The following CNBD1 variants were observed in gnomAD, a reference collection of about 807,000 sequenced individuals.
CNBD1 encodes cyclic nucleotide-binding domain-containing protein 1.
Under a neutral mutation model 54.4 loss-of-function variants are expected in CNBD1, and 71 were observed. The ratio of observed to expected loss-of-function variants is 1.30; its 90% CI spans 1.08 to 1.59. CNBD1 has a LOEUF of 1.59. CNBD1 is among the 40% of genes most tolerant of loss of function. The pLI is 0.00. For missense variants in CNBD1, 659 were observed against 518.0 expected, an observed-to-expected ratio of 1.27 and a Z score of -2.64; for synonymous variants, 182 against 170.7, an observed-to-expected ratio of 1.07 and a Z score of -0.51.
intron 4 of CNBD1, among the ~76,000 whole-genome samples, chr8:87,115,726 C>G (rs1811753858): frequency 6.6e-6 from 1 of 152,174 alleles, no homozygotes; most frequent in Non-Finnish European, 1.5e-5. Flanking sequence ...GCAGGTTTCA[C>G]CTACTGAGTA....
rs1267942471 is a variant in CNBD1, at chr8:87,325,234, A to G, written c.1043-26451A>G. Among the ~76,000 whole-genome samples the G allele has an allele frequency of 3.2e-5, 3 of 95,136 alleles. 1 individual carries two copies. Among genetic ancestry groups the G allele is most frequent in the Non-Finnish European group, 6.2e-5 (3 of 48,692 alleles). 62.4% of individuals were successfully genotyped at this position (95,136 alleles called of 152,430 possible). ...AGCTTTACTTCCAAGTATGTGGTCA[A>G]TTTTGGAATAGGTGTGGTGTGGTGC... On this transcript the variant is annotated intron_variant, in intron 8 of 10. Coordinates refer to ENST00000518476, the MANE Select transcript of CNBD1 (RefSeq NM_173538.3).
chr8:87,040,715 C>T lies in CNBD1; in HGVS notation c.431+100961C>T, dbSNP rs189901987. On this transcript the variant is annotated intron_variant, in intron 4 of 10. Transcript: ENST00000518476. ...CTGGGATGACAGGCGTGAGCCACTGCGTCTGGCCTGTAATGAATTCTTAAC... is the reference window on the plus strand; with the variant it reads ...CTGGGATGACAGGCGTGAGCCACTGTGTCTGGCCTGTAATGAATTCTTAAC... 2.0e-3 allele frequency among the ~76,000 whole-genome samples: 304 copies of T among 151,444 alleles called. 1 individual carries two copies. The highest frequency in any genetic ancestry group is 6.7e-3 in the African/African-American group (278 of 41,418).
intron 6 of CNBD1, among the ~76,000 whole-genome samples, chr8:87,242,457 TATTA>T (rs1157799086): frequency 6.6e-6 from 1 of 152,160 alleles, no homozygotes. Context: ...AGATCCTTTA[TATTA>T]ATTAACCCTT....
At position 87,255,996 on chromosome 8, in the gene CNBD1, TATATATATATATATATATA is replaced by T. The variant is rs1243373571; in HGVS notation, c.771+18885_771+18903del. On this transcript the variant is annotated intron_variant, in intron 6 of 10. Coordinates refer to ENST00000518476, the MANE Select transcript of CNBD1 (RefSeq NM_173538.3). Reference sequence around the variant, plus strand: ...AAATATATATATATATATATATATATATATATATATATATATATATTTTTTTTTTTTTTTTTTTTTTTTT... The same window carrying T: ...AAATATATATATATATATATATATATTTTTTTTTTTTTTTTTTTTTTTTTT... Among the ~76,000 whole-genome samples, 122 of 15,222 alleles carry T rather than the reference TATATATATATATATATATA, an allele frequency of 8.0e-3. 1 individual carries two copies. Among genetic ancestry groups the T allele is most frequent in the Middle Eastern group, 0.016 (1 of 62 alleles). 10.0% of individuals were successfully genotyped at this position (15,222 alleles called of 152,430 possible). A position where few individuals can be genotyped will look rare whatever the true frequency, so the allele number is the denominator to read the frequency against.
intron 6 of CNBD1, among the ~76,000 whole-genome samples, chr8:87,270,512 T>C (rs1008466508): frequency 1.3e-5 from 2 of 151,874 alleles, no homozygotes; most frequent in Non-Finnish European, 2.9e-5. Flanking sequence ...ACATTTTTGG[T>C]TGGGAGTGTA....
downstream of CNBD1, chr8:87,382,872 CGAA>C (rs1259442674): frequency 2.7e-6 from 1 of 367,666 alleles, no homozygotes; most frequent in African/African-American, 2.1e-5. Context: ...TCTGTTGATA[CGAA>C]GGTTTTCTTT....
intron 4 of CNBD1, among the ~76,000 whole-genome samples, chr8:87,103,476 G>A (rs1811472348): frequency 6.6e-6 from 1 of 152,200 alleles, no homozygotes; most frequent in African/African-American, 2.4e-5. Context: ...TAATTTATAA[G>A]GAAAGAGGTT....
chr8:87,296,090 A>C (rs1373657271), intron 8 of CNBD1, among the ~76,000 whole-genome samples: 5 of 152,134 alleles, frequency 3.3e-5, no homozygotes, highest in African/African-American at 1.2e-4. Flanking sequence ...TAATAAGTAC[A>C]TATGTTTATA....
intron 2 of CNBD1, among the ~76,000 whole-genome samples, chr8:87,390,199 A>C (rs1021349622): frequency 3.9e-5 from 6 of 152,164 alleles, no homozygotes; most frequent in Non-Finnish European, 1.5e-5. Flanking sequence ...CAAGGACTTC[A>C]TGTCTAAAAC....
chr8:87,356,365 T>A (rs1417585184), intron 10 of CNBD1, among the ~76,000 whole-genome samples: 1 of 152,056 alleles, frequency 6.6e-6, no homozygotes, highest in Admixed American at 6.6e-5. Flanking sequence ...CTGATAGAAG[T>A]ATGGATAGTG....
intron 4 of CNBD1, among the ~76,000 whole-genome samples, chr8:87,138,881 A>G (rs940457236): frequency 3.3e-5 from 5 of 152,208 alleles, no homozygotes; most frequent in African/African-American, 1.2e-4. Flanking sequence ...ATTTCAATAA[A>G]TGATGTACTT....
chr8:87,428,266 A>C (rs1039383075), intron 2 of CNBD1, among the ~76,000 whole-genome samples: 4 of 151,856 alleles, frequency 2.6e-5, no homozygotes, highest in Non-Finnish European at 4.4e-5. Flanking sequence ...TGAGGTAGAA[A>C]ACCACTAATG....
intron 8 of CNBD1, among the ~76,000 whole-genome samples, chr8:87,348,706 C>G (rs890703643): frequency 6.6e-6 from 1 of 152,174 alleles, no homozygotes; most frequent in Non-Finnish European, 1.5e-5. Flanking sequence ...TCTCTCTAAT[C>G]ATTAGTTTCT....
intron 3 of CNBD1, among the ~76,000 whole-genome samples, chr8:86,918,328 T>C (rs1408812822): frequency 6.6e-6 from 1 of 152,070 alleles, no homozygotes; most frequent in Non-Finnish European, 1.5e-5. Context: ...GTAAGCAAAC[T>C]TTGAGAATAT....
chr8:87,365,363 ATTTG>A (rs1399603766), intron 10 of CNBD1, among the ~76,000 whole-genome samples: 1 of 151,582 alleles, frequency 6.6e-6, no homozygotes. Flanking sequence ...TTGCTTGTAC[ATTTG>A]TTTAAGTTAC....
chr8:86,881,794 G>T lies in CNBD1; in HGVS notation c.89-5748G>T, dbSNP rs1808609843. Among the ~76,000 whole-genome samples, 4 of 152,238 alleles carry T rather than the reference G, an allele frequency of 2.6e-5. No homozygotes were observed. The South Asian group carries it at 6.2e-4, about 24-fold the overall frequency. On this transcript the variant is annotated intron_variant, in intron 1 of 10. Coordinates refer to ENST00000518476, the MANE Select transcript of CNBD1 (RefSeq NM_173538.3). ...CTGCAGGGCTACAGTAACCAAAACA[G>T]CATGGTACCAGTACAAGAACAGACA...
At chr8:86,962,305 C>T (rs2130472361) in intron 4 of CNBD1, among the ~76,000 whole-genome samples, 1 of 152,218 alleles carries the variant, frequency 6.6e-6, no homozygotes, top group Non-Finnish European at 1.5e-5. Flanking sequence ...TTAAATATAC[C>T]TATAGCTTTG....
At chr8:87,160,564 T>C (rs556324125) in intron 4 of CNBD1, among the ~76,000 whole-genome samples, 2 of 152,214 alleles carry the variant, frequency 1.3e-5, no homozygotes, top group East Asian at 3.9e-4. Context: ...CATAAAACAA[T>C]AGGATGTTTT....
At chr8:86,929,282 A>G (rs965376599) in intron 3 of CNBD1, among the ~76,000 whole-genome samples, 5 of 152,108 alleles carry the variant, frequency 3.3e-5, no homozygotes, top group Non-Finnish European at 7.4e-5. Context: ...ATATTGTACC[A>G]TGGGCATGTA....
Sources: allele counts gnomAD v4.1 joint callset (sites outside exome capture counted in the v4.1 genomes callset), GRCh38; gene constraint gnomAD v4.1.1; transcripts MANE v1.5; gene names NCBI Gene and HGNC (gene_info 2026-07-23, HGNC 2026-07-21).